NUP205: variants seen among roughly 807,000 people sequenced by gnomAD.
The protein encoded by NUP205 is nucleoporin 205.
Under a neutral mutation model 253.8 loss-of-function variants are expected in NUP205, and 76 were observed. The ratio of observed to expected loss-of-function variants is 0.30; its 90% CI spans 0.25 to 0.36. NUP205 has a LOEUF of 0.36. Among genes scored for constraint, NUP205 ranks in the 10% least tolerant of loss-of-function variants. The probability of loss-of-function intolerance (pLI) is 1.00; values close to 1 mark genes in which losing one functional copy is unlikely to be tolerated. For missense variants in NUP205, 2,162 were observed against 2,425.5 expected (o/e 0.89, Z 2.28); for synonymous variants, 832 against 850.1 (o/e 0.98, Z 0.37).
intron 7 of NUP205, among the ~76,000 whole-genome samples, chr7:135,583,809 T>C (rs1806377402): frequency 6.6e-6 from 1 of 151,828 alleles, no homozygotes; most frequent in Non-Finnish European, 1.5e-5. Context: ...TGTGAGTATG[T>C]AGTGAATTTT....
Position 135,573,784 on chromosome 7 carries a change from T to C in NUP205, c.302T>C (p.Phe101Ser). Residue 101 changes from phenylalanine (F) to serine (S), a missense_variant, in exon 3 of 43, where the codon TTT becomes TCT. Phe to Ser is a radical substitution (Grantham distance 155). Transcript: ENST00000285968. ...GAAGCCTTTATTCTCAGTGACCTTTTTGATATTGGAGAATTGGCAGCTGTT... is the reference window on the plus strand; with the variant it reads ...GAAGCCTTTATTCTCAGTGACCTTTCTGATATTGGAGAATTGGCAGCTGTT... ...IKEAFILSDL[F>S]DIGELAAVEL... 6.2e-7 allele frequency: 1 copy of C among 1,613,676 alleles called. No homozygotes were observed. Among genetic ancestry groups the C allele is most frequent in the Non-Finnish European group, 8.5e-7 (1 of 1,179,858 alleles).
chr7:135,638,325 G>T (rs1165705602), intron 37 of NUP205, among the ~76,000 whole-genome samples: 1 of 148,068 alleles, frequency 6.8e-6, no homozygotes, highest in Admixed American at 6.9e-5. Flanking sequence ...TGAGGCAGGA[G>T]AATTGCTTGA....
chr7:135,591,618 G>A lies in NUP205; in HGVS notation c.1624+18G>A, dbSNP rs763942123. On this transcript the variant is annotated intron_variant, in intron 11 of 42. Coordinates refer to ENST00000285968, the MANE Select transcript of NUP205 (RefSeq NM_015135.3). Reference sequence around the variant, plus strand: ...TAGTCATGGTAAGGAATATGTGGATGTTGTTAAAGTTTGTTGTTATACTCT... The same window carrying A: ...TAGTCATGGTAAGGAATATGTGGATATTGTTAAAGTTTGTTGTTATACTCT... 11 of 1,603,142 alleles carry A rather than the reference G, an allele frequency of 6.9e-6. No individual in the cohort carries two copies. The highest frequency in any genetic ancestry group is 9.3e-6 in the Non-Finnish European group (11 of 1,176,584).
In NUP205 at chr7:135,588,015, T is replaced by A; in HGVS notation, c.1473+23T>A. On this transcript the variant is annotated intron_variant, in intron 10 of 42. Transcript: ENST00000285968. Reference sequence around the variant, plus strand: ...CAGGTGAGTCTTTAGGTTTTCCTCTTTTATACTCTGGTACTGTGATAGAGA... The same window carrying A: ...CAGGTGAGTCTTTAGGTTTTCCTCTATTATACTCTGGTACTGTGATAGAGA... 3 of 1,596,002 alleles carry A rather than the reference T, an allele frequency of 1.9e-6. No individual in the cohort carries two copies. The South Asian group carries it at 3.4e-5, about 18-fold the overall frequency.
intron 33 of NUP205, among the ~76,000 whole-genome samples, chr7:135,627,508 C>CA (rs1794616735): frequency 6.6e-6 from 1 of 151,986 alleles, no homozygotes; most frequent in African/African-American, 2.4e-5. Flanking sequence ...TTTCAAAATC[C>CA]AAAAAAATCT....
At chr7:135,617,491 TA>T in intron 26 of NUP205, 110 bp from the exon 27 acceptor site, 1 of 790,948 alleles carries the variant, frequency 1.3e-6, no homozygotes. Flanking sequence ...AGATTATATA[TA>T]AAGGTATCTG....
chr7:135,617,340 G>A (rs1794384084), intron 26 of NUP205, 93 bp downstream of exon 26: 7 of 1,237,646 alleles, frequency 5.7e-6, no homozygotes, highest in Non-Finnish European at 7.9e-6. Context: ...TTTTCTTTCT[G>A]ATAGAGACAT....
chr7:135,570,029 T>TTATATATATATATA (rs145414092), intron 1 of NUP205, among the ~76,000 whole-genome samples: 1 of 98,592 alleles, frequency 1.0e-5, no homozygotes, highest in African/African-American at 4.3e-5. Context: ...TGTTTATGTT[T>TTATATATATATATA]TATATATATA....
intron 14 of NUP205, 56 bp from the exon 15 acceptor site, chr7:135,597,942 T>C: frequency 4.4e-6 from 6 of 1,355,320 alleles, no homozygotes; most frequent in Non-Finnish European, 6.3e-6. Flanking sequence ...CATAATACTC[T>C]TCACTTCATA....
At chr7:135,570,838 T>A (rs1390563577) in intron 1 of NUP205, among the ~76,000 whole-genome samples, 4 of 105,600 alleles carry the variant, frequency 3.8e-5, no homozygotes, top group Non-Finnish European at 7.2e-5. Context: ...AAATTATATA[T>A]TATATATTAC....
chr7:135,644,344 C>A (rs941270992), intron 39 of NUP205, among the ~76,000 whole-genome samples: 1 of 152,182 alleles, frequency 6.6e-6, no homozygotes, highest in Non-Finnish European at 1.5e-5. Flanking sequence ...GGAATTGCAT[C>A]ATCATCATGA....
At chr7:135,633,047 C>T (rs916710096) in intron 35 of NUP205, among the ~76,000 whole-genome samples, 2 of 151,914 alleles carry the variant, frequency 1.3e-5, no homozygotes, top group Non-Finnish European at 2.9e-5. Flanking sequence ...CTCACTGCAG[C>T]CTCGACCTAC....
Position 135,619,556 on chromosome 7 carries a change from A to C in NUP205, c.4097A>C (p.His1366Pro). ...TCAGTCTTGGGACCAGCAGAGGCCC[A>C]TTACGCTTTTATGCTTGATAGTTGC... ...ETSVLGPAEA[H>P]YAFMLDSCFT... The change falls in exon 29 of 43, where the codon CAT becomes CCT. Residue 1366 changes from histidine (H) to proline (P), a missense_variant. Transcript: ENST00000285968. 1 of 1,614,126 alleles carries C rather than the reference A, an allele frequency of 6.2e-7. No individual in the cohort carries two copies. The highest frequency in any genetic ancestry group is 8.5e-7 in the Non-Finnish European group (1 of 1,180,022).
intron 1 of NUP205, among the ~76,000 whole-genome samples, chr7:135,563,333 G>A (rs1397284599): frequency 3.9e-5 from 6 of 151,940 alleles, no homozygotes; most frequent in African/African-American, 1.2e-4. Flanking sequence ...GACTACAGGC[G>A]CATGCCATCA....
At chr7:135,559,147 G>A (rs943084269) in intron 1 of NUP205, among the ~76,000 whole-genome samples, 1 of 152,140 alleles carries the variant, frequency 6.6e-6, no homozygotes, top group African/African-American at 2.4e-5. Context: ...GTTACGTAAT[G>A]TCCCCAGAGT....
rs773416611 is a variant in NUP205, at chr7:135,638,673, A to C, written c.5382A>C (p.Gly1794=). ...TTTCAGAAACAGTTAATAGAGATGG[A>C]CCGCGGCAAGGTGAGCTTAGTTTTT... The part of the protein sequence containing the change: ...PSLSETVNRD[G]PRQDTQAPVV... The change falls in exon 38 of 43, where the codon GGA becomes GGC. Residue 1794 remains glycine, a synonymous_variant. Coordinates refer to ENST00000285968, the MANE Select transcript of NUP205 (RefSeq NM_015135.3). 6.2e-7 allele frequency: 1 copy of C among 1,614,136 alleles called. No homozygotes were observed. Among genetic ancestry groups the C allele is most frequent in the Non-Finnish European group, 8.5e-7 (1 of 1,180,024 alleles).
Position 135,617,691 on chromosome 7 carries a change from T to C in NUP205, c.3771+9T>C. On this transcript the variant is annotated intron_variant, in intron 27 of 42. Coordinates refer to ENST00000285968, the MANE Select transcript of NUP205 (RefSeq NM_015135.3). ...GACCTCTACTAATGGAGGTAAGCTC[T>C]ATTGAGTATGTGTTCGTTTCAAACT... 11 of 1,564,068 alleles carry C rather than the reference T, an allele frequency of 7.0e-6. No homozygotes were observed. Among genetic ancestry groups the C allele is most frequent in the Non-Finnish European group, 9.7e-6 (11 of 1,136,092 alleles).
intron 19 of NUP205, among the ~76,000 whole-genome samples, chr7:135,605,675 G>A (rs1449553006): frequency 6.6e-6 from 1 of 152,072 alleles, no homozygotes; most frequent in Non-Finnish European, 1.5e-5. Context: ...GGTATAAATT[G>A]TTATTACTGA....
intron 1 of NUP205, among the ~76,000 whole-genome samples, chr7:135,568,302 T>C (rs1040196464): frequency 7.3e-5 from 11 of 151,696 alleles, no homozygotes; most frequent in African/African-American, 1.2e-4. Flanking sequence ...TCATAGGGCA[T>C]TGAATATAAT....
Sources: allele counts gnomAD v4.1 joint callset (sites outside exome capture counted in the v4.1 genomes callset), GRCh38; gene constraint gnomAD v4.1.1; transcripts MANE v1.5; gene names NCBI Gene and HGNC (gene_info 2026-07-23, HGNC 2026-07-21).